SLC38A9: variants seen among roughly 807,000 people sequenced by gnomAD.
SLC38A9 encodes neutral amino acid transporter 9.
SLC38A9 carries 48 observed loss-of-function variants against 62.3 expected under a neutral mutation model. The ratio of observed to expected loss-of-function variants is 0.77; its 90% CI spans 0.61 to 0.98. The LOEUF is 0.98. Among genes scored for constraint, SLC38A9 ranks in the 50% least tolerant of loss-of-function variants. SLC38A9 has a pLI of 0.00. For missense variants in SLC38A9, 541 were observed against 679.8 expected, an observed-to-expected ratio of 0.80 and a Z score of 2.27; for synonymous variants, 204 against 227.7, an observed-to-expected ratio of 0.90 and a Z score of 0.94.
chr5:55,652,000 G>T (rs1267829066), intron 10 of SLC38A9, among the ~76,000 whole-genome samples: 1 of 147,034 alleles, frequency 6.8e-6, no homozygotes, highest in Non-Finnish European at 1.5e-5. Flanking sequence ...ACCAAAAATG[G>T]TCATCTACAC....
chr5:55,643,014 T>C (rs1448476417), intron 12 of SLC38A9, among the ~76,000 whole-genome samples: 2 of 152,230 alleles, frequency 1.3e-5, no homozygotes, highest in Non-Finnish European at 2.9e-5. Context: ...AACAACTGTA[T>C]AGACCTCTAT....
chr5:55,626,479 AAC>A lies in SLC38A9; in HGVS notation c.*13_*14del, dbSNP rs764692493. ...AAATATCATGAGAGCTCTTGAAAAA[AAC>A]AGTTGAGGTATTTCACATAAAAAAC... On this transcript the variant is annotated 3_prime_UTR_variant, in exon 16 of 16. Coordinates refer to ENST00000396865, the MANE Select transcript of SLC38A9 (RefSeq NM_173514.4). 7.5e-6 allele frequency: 12 copies of A among 1,604,330 alleles called. No homozygotes were observed. The highest frequency in any genetic ancestry group is 4.0e-5 in the African/African-American group (3 of 74,252).
chr5:55,641,542 AT>A (rs1230924329), intron 12 of SLC38A9, among the ~76,000 whole-genome samples: 2 of 152,230 alleles, frequency 1.3e-5, no homozygotes, highest in Admixed American at 6.5e-5. Flanking sequence ...CAGTGTCAAC[AT>A]TTCCACAGTT....
At chr5:55,676,687 C>A (rs1752144336) in intron 3 of SLC38A9, among the ~76,000 whole-genome samples, 1 of 152,150 alleles carries the variant, frequency 6.6e-6, no homozygotes, top group Non-Finnish European at 1.5e-5. Context: ...GAAACAACTG[C>A]TCCGAATTTG....
intron 8 of SLC38A9, 27 bp downstream of exon 8, chr5:55,664,666 T>G: frequency 7.6e-7 from 1 of 1,309,360 alleles, no homozygotes; most frequent in Non-Finnish European, 1.0e-6. Context: ...AAGTACTGTG[T>G]TAAAAGCATA....
At chr5:55,647,556 C>T (rs138668022) in intron 11 of SLC38A9, among the ~76,000 whole-genome samples, 4 of 152,282 alleles carry the variant, frequency 2.6e-5, no homozygotes, top group African/African-American at 7.2e-5. Flanking sequence ...GTTTTCAACA[C>T]GTTCTTTTCA....
chr5:55,651,882 C>T (rs553303783), intron 10 of SLC38A9, among the ~76,000 whole-genome samples: 58 of 151,530 alleles, frequency 3.8e-4, no homozygotes, highest in African/African-American at 1.4e-3. Context: ...TCGTGTATTT[C>T]GTCTAGTTGT....
intron 3 of SLC38A9, among the ~76,000 whole-genome samples, chr5:55,678,328 G>A (rs1268225244): frequency 2.6e-5 from 4 of 151,834 alleles, no homozygotes; most frequent in African/African-American, 9.7e-5. Flanking sequence ...GTAGAGACAA[G>A]GTTTCACTAT....
intron 3 of SLC38A9, among the ~76,000 whole-genome samples, chr5:55,673,770 G>A (rs559448918): frequency 9.6e-4 from 144 of 149,480 alleles, no homozygotes; most frequent in Non-Finnish European, 1.4e-3. Flanking sequence ...GGAGTGCAGT[G>A]GTGCGATCTC....
intron 9 of SLC38A9, among the ~76,000 whole-genome samples, chr5:55,654,022 A>C (rs1747981452): frequency 9.8e-6 from 1 of 102,440 alleles, no homozygotes; most frequent in South Asian, 3.9e-4. Context: ...ACAGAGTACC[A>C]GCCATTCTCA....
At chr5:55,676,827 A>G (rs551055839) in intron 3 of SLC38A9, among the ~76,000 whole-genome samples, 1 of 147,660 alleles carries the variant, frequency 6.8e-6, no homozygotes, top group East Asian at 2.0e-4. Flanking sequence ...ATGGTATTTT[A>G]ATCGTCTGAG....
chr5:55,695,632 T>A lies in SLC38A9; in HGVS notation c.113+2214A>T, dbSNP rs1223769241. ...CCCAAGGCAGAAGAATTTTTCTTAGTACAGAACAAAATGAAAAGTCTCCCA... is the reference window on the plus strand; with the variant it reads ...CCCAAGGCAGAAGAATTTTTCTTAGAACAGAACAAAATGAAAAGTCTCCCA... On this transcript the variant is annotated intron_variant, in intron 3 of 15. Transcript: ENST00000396865. 7.4e-5 allele frequency among the ~76,000 whole-genome samples: 7 copies of A among 94,670 alleles called. 1 individual carries two copies. Among genetic ancestry groups the A allele is most frequent in the Admixed American group, 4.1e-4 (4 of 9,648 alleles). 62.1% of individuals were successfully genotyped at this position (94,670 alleles called of 152,430 possible). A position where few individuals can be genotyped will look rare whatever the true frequency, so the allele number is the denominator to read the frequency against.
intron 3 of SLC38A9, among the ~76,000 whole-genome samples, chr5:55,689,130 C>A (rs1338649947): frequency 6.6e-6 from 1 of 151,998 alleles, no homozygotes; most frequent in Non-Finnish European, 1.5e-5. Flanking sequence ...CCAAGATAAA[C>A]TATAAACTAC....
At chr5:55,649,477 C>T (rs1746986298) in intron 10 of SLC38A9, among the ~76,000 whole-genome samples, 163 bp from the exon 11 acceptor site, 1 of 141,122 alleles carries the variant, frequency 7.1e-6, no homozygotes, top group Non-Finnish European at 1.6e-5. Flanking sequence ...TAGAAACAAG[C>T]TGAGGGAGTT....
intron 3 of SLC38A9, among the ~76,000 whole-genome samples, chr5:55,674,494 T>G (rs941076875): frequency 6.6e-6 from 1 of 152,152 alleles, no homozygotes; most frequent in Non-Finnish European, 1.5e-5. Flanking sequence ...ATGAGTTCAG[T>G]TCCCTTCCTT....
intron 8 of SLC38A9, among the ~76,000 whole-genome samples, chr5:55,661,104 C>T (rs975946336): frequency 6.7e-6 from 1 of 148,684 alleles, no homozygotes; most frequent in Non-Finnish European, 1.5e-5. Context: ...TTTTTAAAGA[C>T]CTAAATAAAC....
chr5:55,641,629 T>C (rs2150106169), intron 12 of SLC38A9, among the ~76,000 whole-genome samples: 1 of 152,382 alleles, frequency 6.6e-6, no homozygotes, highest in East Asian at 1.9e-4. Flanking sequence ...TGTTTCATTG[T>C]AGCACTTTGT....
intron 10 of SLC38A9, among the ~76,000 whole-genome samples, chr5:55,650,079 C>A (rs963021745): frequency 6.6e-6 from 1 of 151,798 alleles, no homozygotes; most frequent in Non-Finnish European, 1.5e-5. Context: ...GAAAGAAAAG[C>A]AGTGAATGTG....
chr5:55,685,828 T>C (rs1753718567), intron 3 of SLC38A9, among the ~76,000 whole-genome samples: 1 of 152,172 alleles, frequency 6.6e-6, no homozygotes, highest in Admixed American at 6.5e-5. Flanking sequence ...TTCCCCTCTA[T>C]GTGTCCATGG....
Sources: allele counts gnomAD v4.1 joint callset (sites outside exome capture counted in the v4.1 genomes callset), GRCh38; gene constraint gnomAD v4.1.1; transcripts MANE v1.5; gene names NCBI Gene and HGNC (gene_info 2026-07-23, HGNC 2026-07-21).